Variants in SORCS3 observed in about 807,000 individuals in gnomAD.
The protein encoded by SORCS3 is sortilin related VPS10 domain containing receptor 3, also known as VPS10 domain-containing receptor SorCS3.
Under a neutral mutation model 146.3 loss-of-function variants are expected in SORCS3, and 57 were observed. The observed-to-expected ratio is 0.39, with a 90% CI of 0.31 to 0.49. The LOEUF (loss-of-function observed/expected upper bound fraction) is 0.49, where lower values mean the gene tolerates loss of function less well. SORCS3 is among the 20% of genes least tolerant of loss of function. SORCS3 has a pLI of 0.92. For synonymous variants in SORCS3, 653 were observed against 618.5 expected (o/e 1.06, Z -0.83); for missense variants, 1,341 against 1,575.5 (o/e 0.85, Z 2.52).
At chr10:104,986,068 C>G (rs758779514) in intron 4 of SORCS3, among the ~76,000 whole-genome samples, 1 of 152,218 alleles carries the variant, frequency 6.6e-6, no homozygotes, top group Non-Finnish European at 1.5e-5. Context: ...CTTCTCCTCT[C>G]TAGCTGTGAA....
chr10:105,102,140 A>C (rs1477718109), intron 6 of SORCS3, among the ~76,000 whole-genome samples: 1 of 152,194 alleles, frequency 6.6e-6, no homozygotes, highest in Non-Finnish European at 1.5e-5. Context: ...TCAGGGAATG[A>C]GGGTAAGAAA....
In SORCS3 at chr10:104,641,900, CG is replaced by C; in HGVS notation, c.577del (p.Asp193ThrfsTer22). The C allele has an allele frequency of 1.9e-6, 3 of 1,595,320 alleles. No individual in the cohort carries two copies. The highest frequency in any genetic ancestry group is 1.1e-5 in the South Asian group (1 of 89,576). On this transcript the variant is annotated frameshift_variant, in exon 1 of 27. Coordinates refer to ENST00000369701, the MANE Select transcript of SORCS3 (RefSeq NM_014978.3). LOFTEE classifies it high-confidence loss of function. This position sits in a 1 kb window ranked among gnomAD's most constrained non-coding sequence, Gnocchi z 6.4. ...RLPSTSFALT[G>X]DSAHNQAMVH... ...TGCCCAGCACCTCCTTCGCGCTGAC[CG>C]GGGACTCGGCCCACAACCAAGCCAT...
At chr10:104,902,077 A>G (rs1420880623) in intron 2 of SORCS3, among the ~76,000 whole-genome samples, 1 of 152,206 alleles carries the variant, frequency 6.6e-6, no homozygotes, top group Non-Finnish European at 1.5e-5. Context: ...AGAGAAAGAG[A>G]GTAATCAAAC....
intron 3 of SORCS3, among the ~76,000 whole-genome samples, chr10:104,945,236 CTGTTTTGTTTTGTTTTGTTT>C (rs10528591): frequency 2.0e-5 from 3 of 151,336 alleles, no homozygotes; most frequent in Non-Finnish European, 4.4e-5. Context: ...TGCTAATTTT[CTGTTTTGTTTTGTTTTGTTT>C]TGTTTTGTTT....
chr10:104,701,580 T>C (rs2016279896), intron 1 of SORCS3, among the ~76,000 whole-genome samples: 1 of 152,198 alleles, frequency 6.6e-6, no homozygotes, highest in Admixed American at 6.5e-5. Flanking sequence ...CAAGGCATGC[T>C]GGGTTTCCAT....
Position 104,893,846 on chromosome 10 carries a change from C to T in SORCS3, c.696-21987C>T, listed in dbSNP as rs567125574. The stretch of plus-strand genomic sequence containing the variant: ...AGCTTTCTGCTCTTCCGAGACTCTC[C>T]TTCACCCATTCTGATAAGGACCTCG... On this transcript the variant is annotated intron_variant, in intron 2 of 26. Coordinates refer to ENST00000369701, the MANE Select transcript of SORCS3 (RefSeq NM_014978.3). Among the ~76,000 whole-genome samples the T allele has an allele frequency of 1.2e-4, 18 of 152,288 alleles. No individual in the cohort carries two copies. The South Asian group carries it at 3.1e-3, about 26-fold the overall frequency.
At chr10:105,027,591 A>G (rs1187818677) in intron 4 of SORCS3, among the ~76,000 whole-genome samples, 1 of 152,002 alleles carries the variant, frequency 6.6e-6, no homozygotes, top group Non-Finnish European at 1.5e-5. Flanking sequence ...ATGGTCATTC[A>G]CAGACATGCA....
chr10:104,917,541 C>A (rs2019044401), intron 3 of SORCS3, among the ~76,000 whole-genome samples: 3 of 152,050 alleles, frequency 2.0e-5, no homozygotes. Flanking sequence ...TAATATATTG[C>A]CATTAACTAT....
intron 2 of SORCS3, among the ~76,000 whole-genome samples, chr10:104,902,148 A>G (rs2133590801): frequency 6.6e-6 from 1 of 152,340 alleles, no homozygotes; most frequent in South Asian, 2.1e-4. Context: ...CTAGAAACCC[A>G]ATCAACCATA....
chr10:105,255,706 T>C lies in SORCS3; in HGVS notation c.3242T>C (p.Val1081Ala). The C allele has an allele frequency of 6.2e-7, 1 of 1,612,394 alleles. No homozygotes were observed. The highest frequency in any genetic ancestry group is 8.5e-7 in the Non-Finnish European group (1 of 1,178,566). The change falls in exon 24 of 27, where the codon GTA (valine) becomes GCA (alanine). Residue 1081 changes from valine (V) to alanine (A), a missense_variant. Transcript: ENST00000369701. ...CATCCTGTCTTATTTTTTCAGATTGTAGAAACACTGTTTAATGCTCTCAAC... is the reference window on the plus strand; with the variant it reads ...CATCCTGTCTTATTTTTTCAGATTGCAGAAACACTGTTTAATGCTCTCAAC... ...KGNEGDLEQI[V>A]ETLFNALNQN...
intron 3 of SORCS3, among the ~76,000 whole-genome samples, chr10:104,976,107 A>G: frequency 6.6e-6 from 1 of 152,242 alleles, no homozygotes; most frequent in East Asian, 1.9e-4. Flanking sequence ...AGAAACTACC[A>G]TCAGAGTGAA....
At position 105,130,732 on chromosome 10, in the gene SORCS3, T is replaced by C. The variant is rs540575787; in HGVS notation, c.1213-8665T>C. ...ATCTGTTTCAAAGGAGGCTCAGCCA[T>C]AGTATGATGTTGGGTAATAGACCCA... is the stretch of plus-strand genomic sequence containing the variant. On this transcript the variant is annotated intron_variant, in intron 7 of 26. Coordinates refer to ENST00000369701, the MANE Select transcript of SORCS3 (RefSeq NM_014978.3). Among the ~76,000 whole-genome samples the C allele has an allele frequency of 2.6e-5, 4 of 152,268 alleles. No individual in the cohort carries two copies. In the South Asian group the frequency reaches 8.3e-4, roughly 32 times the overall value.
intron 2 of SORCS3, among the ~76,000 whole-genome samples, chr10:104,900,322 G>A (rs1343795317): frequency 6.6e-6 from 1 of 152,158 alleles, no homozygotes; most frequent in African/African-American, 2.4e-5. Context: ...GACCATGCCA[G>A]TAAACAGATT....
intron 19 of SORCS3, among the ~76,000 whole-genome samples, chr10:105,219,539 G>A (rs931281292): frequency 6.6e-6 from 1 of 152,172 alleles, no homozygotes; most frequent in African/African-American, 2.4e-5. Flanking sequence ...TTGACTGGAT[G>A]TTCCCAGATA....
intron 3 of SORCS3, among the ~76,000 whole-genome samples, chr10:104,969,338 TGTGC>T (rs1554863664): frequency 1.4e-5 from 2 of 143,354 alleles, no homozygotes; most frequent in East Asian, 2.0e-4. Flanking sequence ...TGTGTGTGTG[TGTGC>T]GCGCGCGCGT....
intron 4 of SORCS3, among the ~76,000 whole-genome samples, chr10:105,031,475 C>T (rs1280618053): frequency 6.6e-6 from 1 of 152,090 alleles, no homozygotes; most frequent in African/African-American, 2.4e-5. Context: ...AATTATATAT[C>T]TAAAGGAACC....
chr10:104,929,731 G>T (rs1389849483), intron 3 of SORCS3, among the ~76,000 whole-genome samples: 4 of 152,232 alleles, frequency 2.6e-5, no homozygotes, highest in African/African-American at 7.2e-5. Flanking sequence ...CTGCAGGCCT[G>T]CCAGCCTAAG....
chr10:104,981,496 A>T (rs2133654370), intron 4 of SORCS3, among the ~76,000 whole-genome samples: 1 of 152,290 alleles, frequency 6.6e-6, no homozygotes, highest in East Asian at 1.9e-4. Context: ...TTTTGTTTCC[A>T]TCAGGCTATT....
chr10:105,120,934 C>T (rs578083824), intron 7 of SORCS3, among the ~76,000 whole-genome samples: 7 of 152,044 alleles, frequency 4.6e-5, no homozygotes, highest in Admixed American at 1.3e-4. Flanking sequence ...TGGTGGTAAG[C>T]GTGCTGTGCA....
Sources: allele counts gnomAD v4.1 joint callset (sites outside exome capture counted in the v4.1 genomes callset), GRCh38; gene constraint gnomAD v4.1.1; non-coding constraint Gnocchi (gnomAD v3.1); transcripts MANE v1.5; gene names NCBI Gene and HGNC (gene_info 2026-07-23, HGNC 2026-07-21).